Variants in ATP6V0A1 observed in about 807,000 individuals in gnomAD.
ATP6V0A1 encodes the protein V-type proton ATPase 116 kDa subunit a 1.
ATP6V0A1 carries 43 observed loss-of-function variants against 105.4 expected under a neutral mutation model. The ratio of observed to expected loss-of-function variants is 0.41; its 90% CI spans 0.32 to 0.53. The LOEUF is 0.53. Among genes scored for constraint, ATP6V0A1 ranks in the 20% least tolerant of loss-of-function variants. ATP6V0A1 has a pLI of 0.30. For missense variants in ATP6V0A1, 676 were observed against 1,051.1 expected (o/e 0.64, Z 4.93); for synonymous variants, 362 against 372.8 (o/e 0.97, Z 0.33).
chr17:42,479,466 T>C (rs997108219), intron 7 of ATP6V0A1, among the ~76,000 whole-genome samples: 2 of 152,266 alleles, frequency 1.3e-5, no homozygotes, highest in African/African-American at 4.8e-5. Context: ...CATTTAGGTA[T>C]GGTGAGTCCT....
intron 19 of ATP6V0A1, chr17:42,511,366 T>C (rs561908122): frequency 2.0e-5 from 3 of 152,058 alleles, no homozygotes; most frequent in Non-Finnish European, 2.9e-5. Context: ...AAACCCCGTC[T>C]CTACTAAAAA....
chr17:42,504,775 G>T (rs927179836), intron 17 of ATP6V0A1, among the ~76,000 whole-genome samples: 12 of 152,196 alleles, frequency 7.9e-5, no homozygotes, highest in African/African-American at 2.7e-4. Flanking sequence ...CTTGGCTAGA[G>T]AATGCATATA....
Position 42,513,853 on chromosome 17 carries a change from C to G in ATP6V0A1, c.2131-8C>G, listed in dbSNP as rs1326668547. On this transcript the variant is annotated splice_region_variant and splice_polypyrimidine_tract_variant and intron_variant, in intron 19 of 21. Transcript: ENST00000343619. The stretch of plus-strand genomic sequence containing the variant: ...TTATATCTTCTCTCTGGTTTCCTCC[C>G]ACGACAGTTTGACTTTGGGGACACC... 6.2e-7 allele frequency: 1 copy of G among 1,611,838 alleles called. No individual in the cohort carries two copies. The highest frequency in any genetic ancestry group is 1.1e-5 in the South Asian group (1 of 91,048).
chr17:42,482,801 G>A (rs1344527590), intron 8 of ATP6V0A1, among the ~76,000 whole-genome samples: 2 of 150,942 alleles, frequency 1.3e-5, no homozygotes, highest in South Asian at 4.2e-4. Flanking sequence ...GAAGGCTGAG[G>A]CAGAAGAATC....
At chr17:42,485,149 C>T (rs2089977167) in intron 9 of ATP6V0A1, among the ~76,000 whole-genome samples, 1 of 152,206 alleles carries the variant, frequency 6.6e-6, no homozygotes, top group South Asian at 2.1e-4. Context: ...CGTGCCCAGC[C>T]TGTAACTTCC....
At chr17:42,460,206 A>C (rs1411648948) in intron 1 of ATP6V0A1, 2 of 152,250 alleles carry the variant, frequency 1.3e-5, no homozygotes, top group African/African-American at 4.8e-5. Flanking sequence ...TGTTCCTGTC[A>C]TGCTTGATTT....
At position 42,522,166 on chromosome 17, in the gene ATP6V0A1, T is replaced by C. The variant is rs2146403635; in HGVS notation, c.*1046T>C. On this transcript the variant is annotated 3_prime_UTR_variant, in exon 22 of 22. Transcript: ENST00000343619. ...TTGGCAGGGCTGCCGTGCATGTGGC[T>C]GTGAGGGCTGCACAGTCCTGCCAAG... 1 of 152,722 alleles carries C rather than the reference T, an allele frequency of 6.5e-6. No homozygotes were observed. Among genetic ancestry groups the C allele is most frequent in the Admixed American group, 6.5e-5 (1 of 15,310 alleles). 9.5% of individuals were successfully genotyped at this position (152,722 alleles called of 1,614,324 possible). A position where few individuals can be genotyped will look rare whatever the true frequency, so the allele number is the denominator to read the frequency against.
chr17:42,513,014 CCT>C (rs1208246980), intron 19 of ATP6V0A1, among the ~76,000 whole-genome samples: 2 of 152,330 alleles, frequency 1.3e-5, no homozygotes, highest in South Asian at 2.1e-4. Flanking sequence ...CACATTCACC[CCT>C]GACTGTGCTT....
chr17:42,464,829 A>G (rs1432164407), intron 2 of ATP6V0A1, among the ~76,000 whole-genome samples: 1 of 152,148 alleles, frequency 6.6e-6, no homozygotes, highest in Non-Finnish European at 1.5e-5. Context: ...TATTTTCCCC[A>G]GTGCCTAGTT....
intron 17 of ATP6V0A1, among the ~76,000 whole-genome samples, chr17:42,501,916 C>A (rs887516373): frequency 2.6e-5 from 4 of 151,976 alleles, no homozygotes; most frequent in African/African-American, 9.7e-5. Context: ...TGCCTGTAGT[C>A]CCAGCTACTT....
At chr17:42,500,992 C>T in intron 16 of ATP6V0A1, 69 bp downstream of exon 16, 1 of 1,514,184 alleles carries the variant, frequency 6.6e-7, no homozygotes, top group East Asian at 2.3e-5. Flanking sequence ...GTTTCTCTGA[C>T]CCTAAAAAAT....
chr17:42,477,026 G>A (rs2088840910), intron 5 of ATP6V0A1, among the ~76,000 whole-genome samples: 1 of 152,142 alleles, frequency 6.6e-6, no homozygotes, highest in Non-Finnish European at 1.5e-5. Context: ...CATGCTGAAA[G>A]TTCTCATATT....
intron 16 of ATP6V0A1, 99 bp from the exon 17 acceptor site, chr17:42,501,098 G>T: frequency 8.5e-7 from 1 of 1,178,018 alleles, no homozygotes; most frequent in South Asian, 1.4e-5. Flanking sequence ...AGATTAGTAA[G>T]AAAGTACTGT....
intron 2 of ATP6V0A1, among the ~76,000 whole-genome samples, chr17:42,463,846 A>G (rs1019543917): frequency 6.6e-6 from 1 of 152,216 alleles, no homozygotes; most frequent in Non-Finnish European, 1.5e-5. Flanking sequence ...TTTGTATGTT[A>G]TATGTATTGT....
At chr17:42,496,872 A>G (rs2091232884) in intron 14 of ATP6V0A1, among the ~76,000 whole-genome samples, 1 of 152,186 alleles carries the variant, frequency 6.6e-6, no homozygotes. Flanking sequence ...ACAGGGCTAC[A>G]ATCAGCGAAA....
intron 11 of ATP6V0A1, among the ~76,000 whole-genome samples, chr17:42,492,783 A>G (rs909988396): frequency 6.6e-6 from 1 of 150,668 alleles, no homozygotes; most frequent in Non-Finnish European, 1.5e-5. Flanking sequence ...TGTGGGGACA[A>G]GGTGGAAGGA....
At chr17:42,514,590 C>T (rs1465587890) in intron 21 of ATP6V0A1, 130 bp downstream of exon 21, 4 of 917,992 alleles carry the variant, frequency 4.4e-6, no homozygotes, top group Non-Finnish European at 6.2e-6. Context: ...GCACTAGCTT[C>T]ACCTCAGGAC....
At chr17:42,495,234 T>C in intron 13 of ATP6V0A1, 46 bp downstream of exon 13, 1 of 1,590,618 alleles carries the variant, frequency 6.3e-7, no homozygotes, top group South Asian at 1.1e-5. Flanking sequence ...TCCTTTCATG[T>C]GCAGCCCTGA....
chr17:42,465,236 C>G (rs2086898757), intron 2 of ATP6V0A1, among the ~76,000 whole-genome samples: 1 of 151,504 alleles, frequency 6.6e-6, no homozygotes. Flanking sequence ...TCAGATAATC[C>G]TCCTGCCTCA....
Sources: gnomAD v4.1 joint callset for allele counts (sites outside exome capture counted in the v4.1 genomes callset) on GRCh38, gnomAD v4.1.1 for gene constraint, MANE v1.5 for transcripts, NCBI Gene and HGNC (gene_info 2026-07-23, HGNC 2026-07-21) for gene names.